The following ARHGEF3 variants were observed in gnomAD, a reference collection of about 807,000 sequenced individuals.
ARHGEF3 encodes the protein 59.8 kDA protein.
A neutral mutation model predicts 63.2 loss-of-function variants in ARHGEF3; 28 were observed. The observed-to-expected ratio is 0.44, with a 90% confidence interval of 0.33 to 0.61. The LOEUF (loss-of-function observed/expected upper bound fraction) is 0.61, where lower values mean the gene tolerates loss of function less well. Ranked by LOEUF, ARHGEF3 falls within the 20% of genes least tolerant of loss-of-function variation. ARHGEF3 has a pLI of 0.03. For missense variants in ARHGEF3, 533 were observed against 659.3 expected, an observed-to-expected ratio of 0.81 and a Z score of 2.10; for synonymous variants, 266 against 254.2, an observed-to-expected ratio of 1.05 and a Z score of -0.44.
At chr3:57,014,032 A>G (rs1052647232) in intron 2 of ARHGEF3, among the ~76,000 whole-genome samples, 1 of 152,180 alleles carries the variant, frequency 6.6e-6, no homozygotes, top group Non-Finnish European at 1.5e-5. Context: ...ATGAGCTGTA[A>G]CACTCACCGC....
intron 2 of ARHGEF3, among the ~76,000 whole-genome samples, chr3:56,762,238 A>G (rs1192664475): frequency 1.3e-5 from 2 of 152,190 alleles, no homozygotes; most frequent in Non-Finnish European, 2.9e-5. Context: ...AAGCACATAC[A>G]TAGATCTCCC....
intron 4 of ARHGEF3, among the ~76,000 whole-genome samples, chr3:56,827,289 A>G (rs139193068): frequency 6.6e-6 from 1 of 152,304 alleles, no homozygotes; most frequent in African/African-American, 2.4e-5. Context: ...AAGGACAACC[A>G]CTGTCTCTGT....
chr3:57,057,838 T>C (rs1364186183), intron 1 of ARHGEF3, among the ~76,000 whole-genome samples: 2 of 152,126 alleles, frequency 1.3e-5, no homozygotes, highest in Non-Finnish European at 2.9e-5. Context: ...CCTCCTACTA[T>C]AACAGACAAA....
chr3:56,802,581 G>A (rs561472980), upstream of ARHGEF3, among the ~76,000 whole-genome samples: 15 of 152,160 alleles, frequency 9.9e-5, no homozygotes, highest in Middle Eastern at 3.4e-3. Flanking sequence ...CACCACCCCC[G>A]GAAAATTCCC....
chr3:56,927,423 C>T (rs1438916630), intron 3 of ARHGEF3, among the ~76,000 whole-genome samples: 1 of 152,006 alleles, frequency 6.6e-6, no homozygotes, highest in Admixed American at 6.6e-5. Context: ...GTGTAAATAG[C>T]TGTTGCTGAT....
At chr3:56,795,150 G>A (rs1483562619) in intron 1 of ARHGEF3, among the ~76,000 whole-genome samples, 1 of 151,616 alleles carries the variant, frequency 6.6e-6, no homozygotes, top group Non-Finnish European at 1.5e-5. Flanking sequence ...AAATATTTTT[G>A]ACCAATGGTT....
In ARHGEF3 at chr3:56,773,814, C is replaced by A; in HGVS notation, c.99G>T (p.Glu33Asp). 1 of 1,586,100 alleles carries A rather than the reference C, an allele frequency of 6.3e-7. No homozygotes were observed. Among genetic ancestry groups the A allele is most frequent in the Non-Finnish European group, 8.5e-7 (1 of 1,171,092 alleles). ...GGGGTTTGACCCGTTTATTACTAGG[C>A]TCCTATAGAGTTAAAAAAAAAAAAA... ...PASGPAKDAE[E>D]PSNKRVKPLS... Residue 33 changes from glutamate (E) to aspartate (D), a missense_variant and splice_region_variant, in exon 2 of 10, where the codon GAG (glutamate) becomes GAT (aspartate). Glu to Asp is a conservative substitution (Grantham distance 45). This residue lies in a region of ARHGEF3 where 160 missense variants were observed against 157.3 expected (regional missense o/e 1.02). Coordinates refer to ENST00000296315, the MANE Select transcript of ARHGEF3 (RefSeq NM_019555.3).
chr3:56,854,680 C>CA, intron 4 of ARHGEF3, among the ~76,000 whole-genome samples: 1 of 141,610 alleles, frequency 7.1e-6, no homozygotes, highest in East Asian at 2.1e-4. Context: ...TGGTGGGAAA[C>CA]AAGGTAAAGG....
At chr3:57,072,335 AG>A (rs1167411095) in intron 1 of ARHGEF3, among the ~76,000 whole-genome samples, 2 of 152,152 alleles carry the variant, frequency 1.3e-5, no homozygotes, top group Non-Finnish European at 2.9e-5. Flanking sequence ...TGGAAGAGCC[AG>A]GGCAGGTAAA....
chr3:57,004,768 C>G, intron 2 of ARHGEF3, among the ~76,000 whole-genome samples: 1 of 152,048 alleles, frequency 6.6e-6, no homozygotes, highest in East Asian at 1.9e-4. Context: ...GAGTTCAAGA[C>G]CAGCCTAGGC....
At chr3:56,815,564 A>AT (rs2038238200) in intron 4 of ARHGEF3, among the ~76,000 whole-genome samples, 1 of 152,224 alleles carries the variant, frequency 6.6e-6, no homozygotes, top group Non-Finnish European at 1.5e-5. Context: ...TTTAATATCA[A>AT]ATGGCAAAGC....
chr3:56,784,983 C>T (rs887399067), intron 1 of ARHGEF3, among the ~76,000 whole-genome samples: 4 of 152,140 alleles, frequency 2.6e-5, no homozygotes, highest in Non-Finnish European at 4.4e-5. Context: ...GCCTGTTAGT[C>T]CTCAGTAAAT....
At chr3:56,864,346 C>T (rs2040174101) in intron 4 of ARHGEF3, among the ~76,000 whole-genome samples, 1 of 152,230 alleles carries the variant, frequency 6.6e-6, no homozygotes, top group South Asian at 2.1e-4. Context: ...CTTGCACATG[C>T]TGTTCCCAAG....
chr3:56,941,408 A>G (rs4681715), intron 3 of ARHGEF3, among the ~76,000 whole-genome samples: 17,952 of 152,196 alleles, frequency 0.12, 1,289 homozygotes, highest in East Asian at 0.25. Flanking sequence ...GGGTTTTGCC[A>G]TGTTGGCCAG....
intron 4 of ARHGEF3, among the ~76,000 whole-genome samples, chr3:56,867,480 TTTA>T (rs1553770020): frequency 1.1e-3 from 165 of 152,012 alleles, no homozygotes; most frequent in African/African-American, 3.4e-3. Flanking sequence ...TATTTATTTA[TTTA>T]TTTTTTTGAG....
At chr3:56,980,298 A>T (rs1389321206) in intron 2 of ARHGEF3, among the ~76,000 whole-genome samples, 1 of 152,212 alleles carries the variant, frequency 6.6e-6, no homozygotes, top group Admixed American at 6.5e-5. Context: ...ACATTAGCCT[A>T]CAACTGGGCA....
chr3:56,897,357 C>G (rs2041336305), intron 3 of ARHGEF3, among the ~76,000 whole-genome samples: 1 of 152,142 alleles, frequency 6.6e-6, no homozygotes, highest in African/African-American at 2.4e-5. Flanking sequence ...TGCCCCAGTC[C>G]TGGAATCAGC....
chr3:56,791,498 T>C (rs911975799), intron 1 of ARHGEF3, among the ~76,000 whole-genome samples: 5 of 152,212 alleles, frequency 3.3e-5, no homozygotes, highest in South Asian at 2.1e-4. Context: ...TTTTTATCTA[T>C]CCATTCCTTG....
At position 56,794,488 on chromosome 3, in the gene ARHGEF3, C is replaced by CAAAAAAAAAAA. The variant is rs10557985; in HGVS notation, c.96+7204_96+7214dup. On this transcript the variant is annotated intron_variant, in intron 1 of 9. Transcript: ENST00000296315. ...GGGCAATAAGAGCGAGACTCTATCT[C>CAAAAAAAAAAA]AAAAAAAAAAAAAAAAAAAAAAAAG... Among the ~76,000 whole-genome samples, 55 of 116,902 alleles carry CAAAAAAAAAAA rather than the reference C, an allele frequency of 4.7e-4. 1 individual carries two copies. Among genetic ancestry groups the CAAAAAAAAAAA allele is most frequent in the East Asian group, 3.9e-3 (16 of 4,138 alleles). 76.7% of individuals were successfully genotyped at this position (116,902 alleles called of 152,430 possible).
Sources: gnomAD v4.1 joint callset for allele counts (sites outside exome capture counted in the v4.1 genomes callset) on GRCh38, gnomAD v4.1.1 for gene constraint, gnomAD v4.1.1 regional missense constraint, MANE v1.5 for transcripts, NCBI Gene and HGNC (gene_info 2026-07-23, HGNC 2026-07-21) for gene names.